The following RPA2 variants were observed in gnomAD, a reference collection of about 807,000 sequenced individuals.
RPA2 encodes replication protein A 32 kDa subunit.
Under a neutral mutation model 33.4 loss-of-function variants are expected in RPA2, and 22 were observed. That is an observed-to-expected ratio of 0.66 (90% CI 0.47 to 0.94). The LOEUF is 0.94. Ranked by LOEUF, RPA2 falls within the 40% of genes least tolerant of loss-of-function variation. The pLI is 0.00. For missense variants in RPA2, 279 were observed against 329.9 expected, an observed-to-expected ratio of 0.85 and a Z score of 1.19; for synonymous variants, 109 against 114.9, an observed-to-expected ratio of 0.95 and a Z score of 0.33.
At chr1:27,904,735 G>T (rs2090006957) in intron 4 of RPA2, among the ~76,000 whole-genome samples, 1 of 151,922 alleles carries the variant, frequency 6.6e-6, no homozygotes, top group Admixed American at 6.6e-5. Context: ...CGCAATCTTG[G>T]CTCACTGCAA....
chr1:27,896,866 T>C (rs17257259), intron 6 of RPA2, 139 bp downstream of exon 6: 49 of 594,390 alleles, frequency 8.2e-5, no homozygotes, highest in African/African-American at 7.3e-4. Context: ...ACAAAGCTAA[T>C]GGAGAAAGTG....
intron 4 of RPA2, among the ~76,000 whole-genome samples, chr1:27,906,685 C>CA (rs1412396643): frequency 6.6e-6 from 1 of 151,710 alleles, no homozygotes; most frequent in Non-Finnish European, 1.5e-5. Context: ...GACTCTGTCT[C>CA]AAAAAAAACT....
At chr1:27,894,444 AAC>A (rs1465531169) in intron 6 of RPA2, 47 bp from the exon 7 acceptor site, 3 of 1,518,722 alleles carry the variant, frequency 2.0e-6, no homozygotes, top group African/African-American at 2.7e-5. Flanking sequence ...CATCAAGTTA[AAC>A]AGTCTTTACT....
Position 27,894,337 on chromosome 1 carries a change from C to T in RPA2, c.586G>A (p.Gly196Arg), listed in dbSNP as rs775468537. ...CCATTTGCTGGCATGAAGCTATTCC[C>T]ACCAAAGTTCCCTGCTTCACTCATT... The part of the protein sequence containing the change: ...PGMSEAGNFG[G>R]NSFMPANGLT... Residue 196 changes from glycine (G) to arginine (R), a missense_variant, in exon 7 of 9, where the codon GGG becomes AGG. Coordinates refer to ENST00000373912, the MANE Select transcript of RPA2 (RefSeq NM_002946.5). 6.8e-6 allele frequency: 11 copies of T among 1,614,162 alleles called. No individual in the cohort carries two copies. Among genetic ancestry groups the T allele is most frequent in the Admixed American group, 1.7e-5 (1 of 60,024 alleles).
rs1486026460 is a variant in RPA2, at chr1:27,897,005, C to T, written c.525G>A (p.Gln175=). 3 of 1,602,490 alleles carry T rather than the reference C, an allele frequency of 1.9e-6. No homozygotes were observed. The highest frequency in any genetic ancestry group is 2.6e-6 in the Non-Finnish European group (3 of 1,174,454). ...AAGCTAGGAAAGCGAGACTACTCAC[C>T]TGGCTGTTGGCTTTGCTTAGTACCA... ...AHMVLSKANS[Q]PSAGRAPISN... Residue 175 remains glutamine (Q), a splice_region_variant and synonymous_variant, in exon 6 of 9, where the codon CAG becomes CAA. Coordinates refer to ENST00000373912, the MANE Select transcript of RPA2 (RefSeq NM_002946.5).
chr1:27,912,484 C>G (rs937787687), intron 2 of RPA2, among the ~76,000 whole-genome samples: 2 of 152,034 alleles, frequency 1.3e-5, no homozygotes, highest in Non-Finnish European at 2.9e-5. Context: ...GCATGGAGGT[C>G]CAAGCTGCAG....
At chr1:27,909,554 TAAA>T (rs920305838) in intron 2 of RPA2, among the ~76,000 whole-genome samples, 7 of 149,840 alleles carry the variant, frequency 4.7e-5, no homozygotes. Context: ...ACTAAAAATT[TAAA>T]AAAAAAATTA....
upstream of RPA2, chr1:27,914,724 A>C (rs2090149876): frequency 2.5e-6 from 4 of 1,575,202 alleles, no homozygotes; most frequent in Non-Finnish European, 3.5e-6. Context: ...ATCTTTACGA[A>C]GGGCAAAACC....
Position 27,903,174 on chromosome 1 carries a change from C to T in RPA2, c.333+3754G>A, listed in dbSNP as rs150769793. On this transcript the variant is annotated intron_variant, in intron 4 of 8. Coordinates refer to ENST00000373912, the MANE Select transcript of RPA2 (RefSeq NM_002946.5). ...GAACTCCTGACATCAGGTGATCCACCTGCCTTGGCCTCCCAAAGTGCTGGA... is the reference window on the plus strand; with the variant it reads ...GAACTCCTGACATCAGGTGATCCACTTGCCTTGGCCTCCCAAAGTGCTGGA... 5.6e-4 allele frequency among the ~76,000 whole-genome samples: 85 copies of T among 152,262 alleles called. 1 individual carries two copies. In the East Asian group the frequency reaches 0.016, roughly 29 times the overall value.
rs919112486 is a variant in RPA2, at chr1:27,893,408, C to T, written c.728+604G>A. 9.9e-5 allele frequency among the ~76,000 whole-genome samples: 15 copies of T among 152,182 alleles called. No individual in the cohort carries two copies. In the Middle Eastern group the frequency reaches 0.014, roughly 138 times the overall value. On this transcript the variant is annotated intron_variant, in intron 8 of 8. Transcript: ENST00000373912. ...GCAGCCTTGACTTTCTGGGCTCAAGCGATCCTCCCACCTCAGCCTCCTGGG... is the reference window on the plus strand; with the variant it reads ...GCAGCCTTGACTTTCTGGGCTCAAGTGATCCTCCCACCTCAGCCTCCTGGG...
Position 27,914,569 on chromosome 1 carries a change from C to T in RPA2, c.-126G>A. 6 of 1,612,094 alleles carry T rather than the reference C, an allele frequency of 3.7e-6. No individual in the cohort carries two copies. The highest frequency in any genetic ancestry group is 5.1e-6 in the Non-Finnish European group (6 of 1,179,398). ...TTCTCTGGCACCACAAACGCCTTCC[C>T]GCGAATGGCGGAGCCAGTCAGCTCC... is the stretch of plus-strand genomic sequence containing the variant. On this transcript the variant is annotated 5_prime_UTR_variant, in exon 1 of 9. Transcript: ENST00000373912.
Position 27,907,276 on chromosome 1 carries a change from G to C in RPA2, c.124C>G (p.Arg42Gly). 1.9e-6 allele frequency: 3 copies of C among 1,597,484 alleles called. No individual in the cohort carries two copies. The highest frequency in any genetic ancestry group is 2.6e-6 in the Non-Finnish European group (3 of 1,174,428). The stretch of plus-strand genomic sequence containing the variant: ...GTACAGGGCACAATGTGCTGGGCTC[G>C]GGCTCTCTGAAAAGAAAAAACATGC... Reference protein sequence around the residue: ...PSQAEKKSRARAQHIVPCTIS... With the variant: ...PSQAEKKSRAGAQHIVPCTIS... Residue 42 changes from arginine to glycine, a missense_variant, in exon 3 of 9, where the codon CGA becomes GGA. Physicochemically the swap from Arg to Gly is moderately radical, Grantham distance 125. Coordinates refer to ENST00000373912, the MANE Select transcript of RPA2 (RefSeq NM_002946.5).
intron 6 of RPA2, 101 bp downstream of exon 6, chr1:27,896,903 CT>C: frequency 1.3e-6 from 1 of 756,530 alleles, no homozygotes; most frequent in Non-Finnish European, 2.2e-6. Context: ...ATGTCTTTCT[CT>C]GGCTCGGCCT....
At chr1:27,906,511 G>A (rs1334434344) in intron 4 of RPA2, among the ~76,000 whole-genome samples, 3 of 151,098 alleles carry the variant, frequency 2.0e-5, no homozygotes, top group African/African-American at 4.9e-5. Context: ...CCAAGATGGT[G>A]AAACCCCATC....
At chr1:27,914,765 G>A, upstream of RPA2, 1 of 1,252,056 alleles carries the variant, frequency 8.0e-7, no homozygotes, top group South Asian at 1.3e-5. Context: ...GGGGCTGGCA[G>A]AGCGGTATCG....
At chr1:27,909,351 G>A (rs1473518345) in intron 2 of RPA2, among the ~76,000 whole-genome samples, 1 of 152,188 alleles carries the variant, frequency 6.6e-6, no homozygotes. Context: ...AGCAAGCTCA[G>A]TCAACCGCTG....
At chr1:27,894,899 G>A (rs1249576609) in intron 6 of RPA2, among the ~76,000 whole-genome samples, 1 of 151,850 alleles carries the variant, frequency 6.6e-6, no homozygotes, top group Non-Finnish European at 1.5e-5. Context: ...ACCATATTTG[G>A]GTTGTCCCCC....
At chr1:27,893,161 G>A (rs935952379) in intron 8 of RPA2, among the ~76,000 whole-genome samples, 2 of 152,146 alleles carry the variant, frequency 1.3e-5, no homozygotes, top group African/African-American at 4.8e-5. Flanking sequence ...TCAACTTTTT[G>A]CTCAGAATTA....
chr1:27,894,414 G>A lies in RPA2; in HGVS notation c.526-17C>T, dbSNP rs1191005679. The A allele has an allele frequency of 4.4e-6, 7 of 1,593,640 alleles. No homozygotes were observed. In the South Asian group the frequency reaches 5.6e-5, roughly 13 times the overall value. ...TGCTGAGGGCTGAATTAAGAAATAA[G>A]TTAGCAATATTAGAAAATCCATCAA... On this transcript the variant is annotated splice_polypyrimidine_tract_variant and intron_variant, in intron 6 of 8. Transcript: ENST00000373912.
Sources: gnomAD v4.1 joint callset for allele counts (sites outside exome capture counted in the v4.1 genomes callset) on GRCh38, gnomAD v4.1.1 for gene constraint, MANE v1.5 for transcripts, NCBI Gene and HGNC (gene_info 2026-07-23, HGNC 2026-07-21) for gene names.